The following PTPRD variants were observed in gnomAD, a reference collection of about 807,000 sequenced individuals.
PTPRD encodes protein tyrosine phosphatase receptor type D, also known as receptor-type tyrosine-protein phosphatase delta.
In PTPRD, 34 loss-of-function variants were observed where a neutral mutation model predicts 214.5. That is an observed-to-expected ratio of 0.16 (90% CI 0.12 to 0.21). PTPRD has a LOEUF of 0.21. Ranked by LOEUF, PTPRD falls within the 10% of genes least tolerant of loss-of-function variation. The pLI is 1.00. For missense variants in PTPRD, 2,545 were observed against 2,398.7 expected (o/e 1.06, Z -1.27); for synonymous variants, 1,128 against 845.7 (o/e 1.33, Z -5.79).
At chr9:9,738,106 G>T (rs1382651460) in intron 6 of PTPRD, among the ~76,000 whole-genome samples, 2 of 151,874 alleles carry the variant, frequency 1.3e-5, no homozygotes, top group Admixed American at 1.3e-4. Context: ...CTGTTGTGAG[G>T]TGGGGGGATG....
At chr9:9,816,742 T>C (rs904918936) in intron 5 of PTPRD, among the ~76,000 whole-genome samples, 6 of 152,052 alleles carry the variant, frequency 3.9e-5, no homozygotes, top group Non-Finnish European at 8.8e-5. Context: ...TAAACCACTA[T>C]CATCAATAAA....
chr9:9,134,121 G>A (rs1258792023), intron 10 of PTPRD, among the ~76,000 whole-genome samples: 1 of 124,022 alleles, frequency 8.1e-6, no homozygotes, highest in Non-Finnish European at 1.6e-5. Context: ...GCTGGACTGC[G>A]GACTGCAGTG....
intron 11 of PTPRD, among the ~76,000 whole-genome samples, chr9:8,836,195 G>C (rs1052950414): frequency 5.3e-5 from 8 of 152,198 alleles, no homozygotes; most frequent in East Asian, 1.9e-4. Context: ...TATAACCAAA[G>C]TTAGTGACCT....
At chr9:9,405,862 G>A (rs1399518940) in intron 8 of PTPRD, among the ~76,000 whole-genome samples, 1 of 151,690 alleles carries the variant, frequency 6.6e-6, no homozygotes, top group Non-Finnish European at 1.5e-5. Context: ...TTGTCCTTTG[G>A]CTTTTCTCTT....
chr9:10,163,287 T>G (rs887144211), intron 3 of PTPRD, among the ~76,000 whole-genome samples: 4 of 151,392 alleles, frequency 2.6e-5, no homozygotes, highest in African/African-American at 9.7e-5. Flanking sequence ...ACCCTTCATT[T>G]CAACTTGATT....
At chr9:8,720,252 C>T (rs988705142) in intron 12 of PTPRD, among the ~76,000 whole-genome samples, 1 of 152,208 alleles carries the variant, frequency 6.6e-6, no homozygotes, top group African/African-American at 2.4e-5. Flanking sequence ...GTATTTCTCC[C>T]TCTCTGTGGG....
chr9:8,955,745 CT>C (rs2099128146), intron 11 of PTPRD, among the ~76,000 whole-genome samples: 1 of 151,402 alleles, frequency 6.6e-6, no homozygotes, highest in Non-Finnish European at 1.5e-5. Context: ...AAATGTATGC[CT>C]TTTAATTAAA....
At chr9:10,289,140 T>C (rs771501667) in intron 3 of PTPRD, among the ~76,000 whole-genome samples, 1 of 152,078 alleles carries the variant, frequency 6.6e-6, no homozygotes, top group Non-Finnish European at 1.5e-5. Context: ...GTCTATGCTA[T>C]AAAGTTGAAA....
At chr9:10,018,096 G>T (rs910602433) in intron 4 of PTPRD, among the ~76,000 whole-genome samples, 4 of 151,824 alleles carry the variant, frequency 2.6e-5, no homozygotes, top group African/African-American at 9.7e-5. Flanking sequence ...TAGATTATTA[G>T]GTTATGAAAT....
At chr9:10,060,540 A>G (rs973245259) in intron 3 of PTPRD, among the ~76,000 whole-genome samples, 1 of 152,052 alleles carries the variant, frequency 6.6e-6, no homozygotes, top group African/African-American at 2.4e-5. Context: ...TAATCTCATG[A>G]ACATGACAGA....
At chr9:9,328,880 C>G (rs2041203002) in intron 9 of PTPRD, among the ~76,000 whole-genome samples, 1 of 151,756 alleles carries the variant, frequency 6.6e-6, no homozygotes, top group East Asian at 1.9e-4. Flanking sequence ...TCAAGTTACT[C>G]ACTTGCTTTG....
At chr9:8,387,956 G>C (rs1414871850) in intron 37 of PTPRD, among the ~76,000 whole-genome samples, 1 of 152,008 alleles carries the variant, frequency 6.6e-6, no homozygotes, top group Non-Finnish European at 1.5e-5. Context: ...TTTTGAATTG[G>C]GTTTGCATGT....
At chr9:8,686,078 G>T (rs1218599148) in intron 12 of PTPRD, among the ~76,000 whole-genome samples, 2 of 152,182 alleles carry the variant, frequency 1.3e-5, no homozygotes, top group Non-Finnish European at 2.9e-5. Context: ...CTGAAAGCAA[G>T]CAGAAACTAT....
intron 37 of PTPRD, among the ~76,000 whole-genome samples, chr9:8,382,126 A>G (rs1478642431): frequency 6.6e-6 from 1 of 152,174 alleles, no homozygotes; most frequent in Non-Finnish European, 1.5e-5. Flanking sequence ...AGATGACTCA[A>G]TGTTTCAATA....
intron 12 of PTPRD, among the ~76,000 whole-genome samples, chr9:8,710,694 G>A (rs141807076): frequency 9.3e-4 from 141 of 152,196 alleles, no homozygotes; most frequent in African/African-American, 3.3e-3. Context: ...AATTATAAAT[G>A]AGTTTTTATG....
chr9:10,288,228 T>TA (rs915013871), intron 3 of PTPRD, among the ~76,000 whole-genome samples: 2 of 151,800 alleles, frequency 1.3e-5, no homozygotes, highest in Admixed American at 6.6e-5. Context: ...GGAAAAACTT[T>TA]AAAAAATTAA....
chr9:10,409,307 T>A (rs1455278378), intron 2 of PTPRD, among the ~76,000 whole-genome samples: 1 of 151,734 alleles, frequency 6.6e-6, no homozygotes. Context: ...TTTCTAAAAT[T>A]TATAAAGTTG....
intron 12 of PTPRD, among the ~76,000 whole-genome samples, chr9:8,637,812 A>G (rs2096479440): frequency 1.3e-5 from 2 of 152,232 alleles, no homozygotes; most frequent in African/African-American, 2.4e-5. Context: ...GGAACATCAT[A>G]CAAGTAGTTA....
intron 7 of PTPRD, among the ~76,000 whole-genome samples, chr9:9,681,594 T>C (rs1250461071): frequency 1.3e-5 from 2 of 151,732 alleles, no homozygotes; most frequent in Non-Finnish European, 2.9e-5. Flanking sequence ...CACTTTGATA[T>C]CTCTTTTAAT....
Sources: gnomAD v4.1 joint callset for allele counts (sites outside exome capture counted in the v4.1 genomes callset) on GRCh38, gnomAD v4.1.1 for gene constraint, MANE v1.5 for transcripts, NCBI Gene and HGNC (gene_info 2026-07-23, HGNC 2026-07-21) for gene names.